Variants in RUSC1 observed in about 807,000 individuals in gnomAD.
RUSC1 encodes RUN and SH3 domain containing 1, also known as AP-4 complex accessory subunit RUSC1.
A neutral mutation model predicts 72.1 loss-of-function variants in RUSC1; 40 were observed. That is an observed-to-expected ratio of 0.55 (90% confidence interval 0.43 to 0.72). RUSC1 has a LOEUF of 0.72. Among genes scored for constraint, RUSC1 ranks in the 30% least tolerant of loss-of-function variants. The pLI, the probability that RUSC1 is intolerant of heterozygous loss-of-function variation, is 0.00. For missense variants in RUSC1, 1,092 were observed against 1,172.3 expected (o/e 0.93, Z 1.00); for synonymous variants, 512 against 494.2 (o/e 1.04, Z -0.48).
chr1:155,324,496 C>G (rs1484964187), intron 2 of RUSC1: 4 of 1,606,028 alleles, frequency 2.5e-6, no homozygotes, highest in Admixed American at 1.7e-5. Context: ...CCTCCCTCCC[C>G]GCGCCCCGTC....
chr1:155,328,393 C>T (rs927544212), intron 9 of RUSC1, 118 bp downstream of exon 9: 1 of 1,082,020 alleles, frequency 9.2e-7, no homozygotes, highest in East Asian at 2.8e-5. Context: ...GTGTGCATTG[C>T]AGCTTTTCTA....
rs1557995365 is a variant in RUSC1 at position 155,325,240 on chromosome 1, C to G, written c.1533+62C>G. The G allele has an allele frequency of 6.2e-7, 1 of 1,612,114 alleles. No individual in the cohort carries two copies. The highest frequency in any genetic ancestry group is 8.5e-7 in the Non-Finnish European group (1 of 1,179,852). On this transcript the variant is annotated intron_variant, in intron 4 of 9. Coordinates refer to ENST00000368352, the MANE Select transcript of RUSC1 (RefSeq NM_001105203.2). This position sits in a 1 kb window ranked among gnomAD's most constrained non-coding sequence, Gnocchi z 6.5. ...GAGTAATGGAGCTCCGCGGGGGGTGCGGGAATGGTTGGCGGGAGGTGGCTG... is the reference window on the plus strand; with the variant it reads ...GAGTAATGGAGCTCCGCGGGGGGTGGGGGAATGGTTGGCGGGAGGTGGCTG...
At position 155,327,063 on chromosome 1, in the gene RUSC1, T is replaced by C. The variant is rs1454065086; in HGVS notation, c.2345T>C (p.Leu782Pro). ...GATGAGATGGCACCAGGCAGGGGCC[T>C]CTGGTTGGGAAGACTATTTGGAGTG... Reference protein sequence around the residue: ...PTDEMAPGRGLWLGRLFGVPG... With the variant: ...PTDEMAPGRGPWLGRLFGVPG... The change falls in exon 8 of 10, where the codon CTC becomes CCC. Residue 782 changes from leucine to proline, a missense_variant. Physicochemically the swap from Leu to Pro is moderately conservative, Grantham distance 98. Transcript: ENST00000368352. The C allele has an allele frequency of 6.2e-7, 1 of 1,613,348 alleles. No individual in the cohort carries two copies. The highest frequency in any genetic ancestry group is 1.3e-5 in the African/African-American group (1 of 75,042).
In RUSC1 at chr1:155,320,990, T is replaced by C; in HGVS notation, c.-88T>C. ...GGCCGGAGCGGTTCCAGGAGGACCC[T>C]GGTGAGGAGGGCTCGGCCCATGGGT... On this transcript the variant is annotated splice_region_variant and 5_prime_UTR_variant, in exon 1 of 10. Transcript: ENST00000368352. 2 of 1,519,270 alleles carry C rather than the reference T, an allele frequency of 1.3e-6. No individual in the cohort carries two copies. Among genetic ancestry groups the C allele is most frequent in the Non-Finnish European group, 1.8e-6 (2 of 1,122,174 alleles). The allele number at this position is 1,519,270 out of a possible 1,614,324, so 94.1% of individuals were successfully genotyped here.
chr1:155,323,176 C>T, intron 2 of RUSC1, 46 bp downstream of exon 2: 2 of 1,396,032 alleles, frequency 1.4e-6, no homozygotes, highest in African/African-American at 1.5e-5. Flanking sequence ...TTCGGCCGCT[C>T]ACGCCTCCTA....
intron 8 of RUSC1, among the ~76,000 whole-genome samples, chr1:155,327,763 C>T (rs1311310207): frequency 6.6e-6 from 1 of 152,182 alleles, no homozygotes; most frequent in African/African-American, 2.4e-5. Context: ...CACACTGCTG[C>T]ATTCCAGCCT....
Position 155,325,058 on chromosome 1 carries a change from A to T in RUSC1, c.1457-44A>T. On this transcript the variant is annotated intron_variant, in intron 3 of 9. Transcript: ENST00000368352. This position sits in a 1 kb window ranked among gnomAD's most constrained non-coding sequence, Gnocchi z 6.5. ...CCACGCCCCTCGGGCAAGCCTGGGT[A>T]GGGGCGCGGCCTCCTAGCGTCTTCC... The T allele has an allele frequency of 1.9e-6, 3 of 1,613,892 alleles. No individual in the cohort carries two copies. The highest frequency in any genetic ancestry group is 2.5e-6 in the Non-Finnish European group (3 of 1,179,938).
chr1:155,323,834 C>T, intron 2 of RUSC1: 1 of 838,186 alleles, frequency 1.2e-6, no homozygotes, highest in Non-Finnish European at 1.4e-6. Flanking sequence ...CCGGGCTAGC[C>T]CCGCGGGCCA....
chr1:155,325,396 G>T lies in RUSC1; in HGVS notation c.1614G>T (p.Leu538=), dbSNP rs1441775282. ...LTTLCPALHA[L]VADGLKPFRK... ...CCCTCTGCCCGGCCCTCCACGCCCT[G>T]GTGGCGGACGGGCTGAAGCCTTTCC... The change falls in exon 5 of 10, where the codon CTG becomes CTT. Residue 538 remains leucine (L), a synonymous_variant. Coordinates refer to ENST00000368352, the MANE Select transcript of RUSC1 (RefSeq NM_001105203.2). This position sits in a 1 kb window ranked among gnomAD's most constrained non-coding sequence, Gnocchi z 6.5. 6.3e-7 allele frequency: 1 copy of T among 1,592,520 alleles called. No individual in the cohort carries two copies. The highest frequency in any genetic ancestry group is 1.1e-5 in the South Asian group (1 of 89,558).
chr1:155,327,786 G>A (rs910333939), intron 8 of RUSC1, among the ~76,000 whole-genome samples: 3 of 152,136 alleles, frequency 2.0e-5, no homozygotes, highest in Non-Finnish European at 2.9e-5. Flanking sequence ...GCGACAGAGC[G>A]AGACCCTGTC....
At position 155,323,121 on chromosome 1, in the gene RUSC1, G is replaced by A. The variant is rs1179913114; in HGVS notation, c.1348G>A (p.Gly450Ser). 4 of 1,418,128 alleles carry A rather than the reference G, an allele frequency of 2.8e-6. No homozygotes were observed. The highest frequency in any genetic ancestry group is 3.7e-6 in the Non-Finnish European group (4 of 1,092,114). 87.8% of individuals were successfully genotyped at this position (1,418,128 alleles called of 1,614,324 possible). The change falls in exon 2 of 10, where the codon GGC becomes AGC. Residue 450 changes from glycine (G) to serine (S), a missense_variant. Coordinates refer to ENST00000368352, the MANE Select transcript of RUSC1 (RefSeq NM_001105203.2). The part of the protein sequence containing the change: ...PAAKEPGAQA[G>S]LEVRSSWSFA... ...CGCGAAGGAGCCGGGCGCGCAGGCC[G>A]GCCTGGAGGGTAAGAGGTCGCAAGA...
chr1:155,325,528 G>A lies in RUSC1; in HGVS notation c.1708+38G>A. On this transcript the variant is annotated intron_variant, in intron 5 of 9. Transcript: ENST00000368352. The surrounding 1 kb of genome is among the most constrained non-coding windows in gnomAD (Gnocchi z 6.5). ...GGCGTGGGACCCGGCAGTGCGCAGG[G>A]CAGGGCCGGGCTTGGCTGACTGCAC... 6.2e-7 allele frequency: 1 copy of A among 1,605,460 alleles called. No homozygotes were observed. Among genetic ancestry groups the A allele is most frequent in the South Asian group, 1.1e-5 (1 of 90,872 alleles).
At chr1:155,327,189 G>A (rs1651509919) in intron 8 of RUSC1, 57 bp downstream of exon 8, 8 of 1,497,802 alleles carry the variant, frequency 5.3e-6, no homozygotes, top group Non-Finnish European at 6.3e-6. Flanking sequence ...TCTCCTAGCG[G>A]CTTCATTTGA....
At chr1:155,323,230 C>A (rs1650813169) in intron 2 of RUSC1, 100 bp downstream of exon 2, 2 of 1,275,408 alleles carry the variant, frequency 1.6e-6, no homozygotes, top group Non-Finnish European at 2.0e-6. Flanking sequence ...TCTGTGTCAC[C>A]CATCCTCCCC....
In RUSC1 at chr1:155,323,010, A is replaced by G. The variant is rs1234981115; in HGVS notation, c.1237A>G (p.Asn413Asp). 1 of 1,500,376 alleles carries G rather than the reference A, an allele frequency of 6.7e-7. No individual in the cohort carries two copies. The allele number at this position is 1,500,376 out of a possible 1,614,324, so 92.9% of individuals were successfully genotyped here. ...GCCTGTCCCTCCCCGAAGGAAGAAGAACCGACCTGGACTGCAGCCCATAGC... is the reference window on the plus strand; with the variant it reads ...GCCTGTCCCTCCCCGAAGGAAGAAGGACCGACCTGGACTGCAGCCCATAGC... ...PPPVPPRRKK[N>D]RPGLQPIAEG... Residue 413 changes from asparagine (N) to aspartate (D), a missense_variant, in exon 2 of 10, where the codon AAC becomes GAC. Asn to Asp is a conservative substitution (Grantham distance 23). Transcript: ENST00000368352.
At chr1:155,329,816 G>C (rs761820935) in intron 9 of RUSC1, among the ~76,000 whole-genome samples, 80 of 151,812 alleles carry the variant, frequency 5.3e-4, no homozygotes, top group Non-Finnish European at 3.2e-4. Context: ...TTAGCCAGGC[G>C]TGGTGGTGGT....
chr1:155,325,446 G>A lies in RUSC1; in HGVS notation c.1664G>A (p.Arg555His). ...PFRKDLITGQRRSSPWSVVEA... is the reference protein window; with the variant it reads ...PFRKDLITGQHRSSPWSVVEA... ...CGGAAGGACCTCATCACCGGGCAGC[G>A]CAGGAGCAGCCCCTGGAGCGTGGTG... The change falls in exon 5 of 10, where the codon CGC (arginine) becomes CAC (histidine). Residue 555 changes from arginine (R) to histidine (H), a missense_variant. Coordinates refer to ENST00000368352, the MANE Select transcript of RUSC1 (RefSeq NM_001105203.2). This position sits in a 1 kb window ranked among gnomAD's most constrained non-coding sequence, Gnocchi z 6.5. The A allele has an allele frequency of 6.3e-7, 1 of 1,592,648 alleles. No individual in the cohort carries two copies. The highest frequency in any genetic ancestry group is 8.5e-7 in the Non-Finnish European group (1 of 1,173,758).
chr1:155,322,468 A>G lies in RUSC1; in HGVS notation c.695A>G (p.Asn232Ser). Residue 232 changes from asparagine (N) to serine (S), a missense_variant, in exon 2 of 10, where the codon AAC becomes AGC. Transcript: ENST00000368352. ...AAAACGGAGCCCAGTTGGAAGATTA[A>G]CCCAATTTGGAAAATTGACACAGAG... The part of the protein sequence containing the change: ...AGKTEPSWKI[N>S]PIWKIDTEKT... The G allele has an allele frequency of 6.2e-7, 1 of 1,613,826 alleles. No individual in the cohort carries two copies. Among genetic ancestry groups the G allele is most frequent in the Admixed American group, 1.7e-5 (1 of 59,974 alleles).
chr1:155,330,351 C>CT (rs1651881933), intron 9 of RUSC1, 52 bp from the exon 10 acceptor site: 1 of 1,600,414 alleles, frequency 6.2e-7, no homozygotes, highest in Non-Finnish European at 8.5e-7. Flanking sequence ...CTGGGGACGG[C>CT]TGGGCAGCCC....
Sources: allele counts gnomAD v4.1 joint callset (sites outside exome capture counted in the v4.1 genomes callset), GRCh38; gene constraint gnomAD v4.1.1; non-coding constraint Gnocchi (gnomAD v3.1); transcripts MANE v1.5; gene names NCBI Gene and HGNC (gene_info 2026-07-23, HGNC 2026-07-21).